HS1BP3: variants seen among roughly 807,000 people sequenced by gnomAD.
HS1BP3 encodes HCLS1-binding protein 3.
In HS1BP3, 32 loss-of-function variants were observed where a neutral mutation model predicts 33.5. The observed-to-expected ratio is 0.95, with a 90% CI of 0.72 to 1.28. The LOEUF is 1.28. Among genes scored for constraint, HS1BP3 ranks in the 50% most tolerant of loss-of-function variants. The pLI, the probability that HS1BP3 is intolerant of heterozygous loss-of-function variation, is 0.00. For synonymous variants in HS1BP3, 187 were observed against 209.2 expected (o/e 0.89, Z 0.92); for missense variants, 486 against 502.3 (o/e 0.97, Z 0.31).
At chr2:20,626,214 T>A (rs892204418) in intron 4 of HS1BP3, among the ~76,000 whole-genome samples, 7 of 152,178 alleles carry the variant, frequency 4.6e-5, no homozygotes, top group African/African-American at 1.7e-4. Context: ...AAGGTGACCA[T>A]TCCCACAGTC....
intron 1 of HS1BP3, among the ~76,000 whole-genome samples, chr2:20,647,498 G>A (rs1198312962): frequency 6.6e-6 from 1 of 152,204 alleles, no homozygotes; most frequent in African/African-American, 2.4e-5. Flanking sequence ...TGCCCTAGAT[G>A]TGGGGTTCTC....
rs542148094 is a variant in HS1BP3, at chr2:20,649,427, A to G, written c.32+1605T>C. Among the ~76,000 whole-genome samples, 16 of 152,326 alleles carry G rather than the reference A, an allele frequency of 1.1e-4. No homozygotes were observed. The South Asian group carries it at 2.9e-3, about 28-fold the overall frequency. On this transcript the variant is annotated intron_variant, in intron 1 of 6. Transcript: ENST00000304031. ...TCTTTACCACACCATAGAAAACAGC[A>G]TGCATGCCTCCTACCACTCTGTTGC...
chr2:20,641,219 T>G, intron 2 of HS1BP3, 39 bp from the exon 3 acceptor site: 1 of 1,558,458 alleles, frequency 6.4e-7, no homozygotes. Context: ...GAGTGAAGAG[T>G]GGCAGGCAGT....
chr2:20,630,868 T>C (rs988403548), intron 4 of HS1BP3, among the ~76,000 whole-genome samples: 2 of 152,088 alleles, frequency 1.3e-5, no homozygotes, highest in Non-Finnish European at 2.9e-5. Context: ...AAGTGCCCAA[T>C]AGCTGGGCAG....
Position 20,638,534 on chromosome 2 carries a change from T to C in HS1BP3, c.525A>G (p.Gln175=), listed in dbSNP as rs1695234394. 6.2e-7 allele frequency: 1 copy of C among 1,614,246 alleles called. No homozygotes were observed. The highest frequency in any genetic ancestry group is 8.5e-7 in the Non-Finnish European group (1 of 1,180,032). ...GGACGGGCGGACCCTCTTCTGCCACTTGGTCTTGCTCCTCAAAAAAGTCGA... is the reference window on the plus strand; with the variant it reads ...GGACGGGCGGACCCTCTTCTGCCACCTGGTCTTGCTCCTCAAAAAAGTCGA... ...EAFDFFEEQD[Q]VAEEGPPVQS... is the part of the protein sequence containing the mutation. Residue 175 remains glutamine (Q), a synonymous_variant, in exon 4 of 7, where the codon CAA becomes CAG. Transcript: ENST00000304031.
chr2:20,565,108 G>T (rs1037009353), intron 5 of HS1BP3, among the ~76,000 whole-genome samples: 1 of 152,172 alleles, frequency 6.6e-6, no homozygotes, highest in Non-Finnish European at 1.5e-5. Context: ...CCAGCAGCAG[G>T]TCCAACAGTC....
intron 5 of HS1BP3, among the ~76,000 whole-genome samples, chr2:20,580,348 G>A (rs572566049): frequency 9.9e-5 from 15 of 152,246 alleles, no homozygotes; most frequent in East Asian, 3.9e-4. Context: ...GTGAAACCTC[G>A]TCTCTACTAA....
Position 20,567,712 on chromosome 2 carries a change from C to T in HS1BP3, c.303-7197G>A, listed in dbSNP as rs181981723. Among the ~76,000 whole-genome samples, 969 of 152,324 alleles carry T rather than the reference C, an allele frequency of 6.4e-3. 5 individuals carry two copies. The highest frequency in any genetic ancestry group is 9.8e-3 in the Non-Finnish European group (666 of 68,026). On this transcript the variant is annotated intron_variant, in intron 5 of 5. Transcript: ENST00000446825. ...GCTGCCTTTGTGCCCAGAGGACTGA[C>T]CGCAGGCTAGAAAGGTCACTCTCTG... is the stretch of plus-strand genomic sequence containing the variant.
rs569867094 is a variant in HS1BP3, at chr2:20,645,927, T to C, written c.33-422A>G. 2.0e-5 allele frequency among the ~76,000 whole-genome samples: 3 copies of C among 152,208 alleles called. No homozygotes were observed. In the South Asian group the frequency reaches 6.2e-4, roughly 32 times the overall value. On this transcript the variant is annotated intron_variant, in intron 1 of 6. Coordinates refer to ENST00000304031, the MANE Select transcript of HS1BP3 (RefSeq NM_022460.4). ...GAGACAGGCACCTCTCTTTGGCTAA[T>C]GGGCAGGAGGGCTGCTACAGGCCCC...
At chr2:20,621,239 C>T (rs1338957828) in intron 6 of HS1BP3, among the ~76,000 whole-genome samples, 1 of 152,224 alleles carries the variant, frequency 6.6e-6, no homozygotes, top group Non-Finnish European at 1.5e-5. Flanking sequence ...AGCACAGCAC[C>T]CCCAGGGGTG....
At chr2:20,627,980 T>A (rs947105516) in intron 4 of HS1BP3, among the ~76,000 whole-genome samples, 1 of 152,026 alleles carries the variant, frequency 6.6e-6, no homozygotes. Flanking sequence ...CACATCTCCA[T>A]CTCAGGATTC....
chr2:20,589,589 C>T (rs1299280581), downstream of HS1BP3, among the ~76,000 whole-genome samples: 1 of 152,156 alleles, frequency 6.6e-6, no homozygotes, highest in African/African-American at 2.4e-5. Context: ...TTCCAAGGGC[C>T]AGGAAGTTAG....
intron 2 of HS1BP3, among the ~76,000 whole-genome samples, chr2:20,643,600 C>T (rs1444515386): frequency 1.3e-5 from 2 of 152,128 alleles, no homozygotes; most frequent in Admixed American, 1.3e-4. Flanking sequence ...CTATTCTAGA[C>T]GCTTCTCATG....
intron 5 of HS1BP3, among the ~76,000 whole-genome samples, chr2:20,585,538 T>G (rs75705386): frequency 1.4e-3 from 209 of 152,344 alleles, no homozygotes; most frequent in African/African-American, 4.7e-3. Context: ...GTCACACGAT[T>G]AGCAAGTGGC....
rs752494432 is a variant in HS1BP3, at chr2:20,611,640, C to T, written c.178+12256G>A. On this transcript the variant is annotated intron_variant, in intron 2 of 3. Transcript: ENST00000415264. This position sits in a 1 kb window ranked among gnomAD's most constrained non-coding sequence, Gnocchi z 4.9. ...TTCCAGTTCGTTCCATCTACCCTCCCTTTGGTAGACCTCCATGACCCACCT... is the reference window on the plus strand; with the variant it reads ...TTCCAGTTCGTTCCATCTACCCTCCTTTTGGTAGACCTCCATGACCCACCT... 2.0e-5 allele frequency among the ~76,000 whole-genome samples: 3 copies of T among 152,188 alleles called. No individual in the cohort carries two copies. Among genetic ancestry groups the T allele is most frequent in the Non-Finnish European group, 2.9e-5 (2 of 68,032 alleles).
At chr2:20,568,130 G>C (rs1693180201) in intron 5 of HS1BP3, among the ~76,000 whole-genome samples, 1 of 152,152 alleles carries the variant, frequency 6.6e-6, no homozygotes. Flanking sequence ...TATACTCAGG[G>C]CCATTCTAGC....
At chr2:20,559,180 C>A (rs962525378), downstream of HS1BP3, among the ~76,000 whole-genome samples, 2 of 152,328 alleles carry the variant, frequency 1.3e-5, no homozygotes, top group African/African-American at 4.8e-5. Context: ...GCACAGCTCA[C>A]CCCACAAAGC....
chr2:20,558,554 G>A (rs1217416958), downstream of HS1BP3, among the ~76,000 whole-genome samples: 4 of 152,208 alleles, frequency 2.6e-5, no homozygotes, highest in Admixed American at 6.5e-5. Context: ...CTTCAGAAAC[G>A]GACGGAGGGG....
chr2:20,646,275 C>T (rs59477499), intron 1 of HS1BP3, among the ~76,000 whole-genome samples: 7,534 of 152,252 alleles, frequency 0.049, 318 homozygotes, highest in African/African-American at 0.11. Flanking sequence ...TGGCAGGACA[C>T]GTGGGGCACC....
Sources: gnomAD v4.1 joint callset for allele counts (sites outside exome capture counted in the v4.1 genomes callset) on GRCh38, gnomAD v4.1.1 for gene constraint, Gnocchi (gnomAD v3.1) non-coding constraint, MANE v1.5 for transcripts, NCBI Gene and HGNC (gene_info 2026-07-23, HGNC 2026-07-21) for gene names.